CRPPA: variants seen among roughly 807,000 people sequenced by gnomAD.
CRPPA encodes the protein CDP-L-ribitol pyrophosphorylase A.
A neutral mutation model predicts 52.0 loss-of-function variants in CRPPA; 43 were observed. That is an observed-to-expected ratio of 0.83 (90% CI 0.65 to 1.07). The LOEUF (loss-of-function observed/expected upper bound fraction) is 1.07. Among genes scored for constraint, CRPPA ranks in the 50% least tolerant of loss-of-function variants. The pLI, the probability that CRPPA is intolerant of heterozygous loss-of-function variation, is 0.00. For synonymous variants in CRPPA, 250 were observed against 203.5 expected, an observed-to-expected ratio of 1.23 and a Z score of -1.94; for missense variants, 629 against 551.7, an observed-to-expected ratio of 1.14 and a Z score of -1.40.
intron 8 of CRPPA, among the ~76,000 whole-genome samples, chr7:16,254,436 T>C (rs1412626504): frequency 6.6e-6 from 1 of 151,988 alleles, no homozygotes; most frequent in Non-Finnish European, 1.5e-5. Context: ...ATGTCCTTTG[T>C]AGGGACATGG....
chr7:16,389,913 C>CAAAAAAAAAAAAAAAAAAAAAAAAAAAAA (rs1163092089), intron 2 of CRPPA, among the ~76,000 whole-genome samples: 1 of 34,314 alleles, frequency 2.9e-5, no homozygotes. Context: ...GCCTAGTATA[C>CAAAAAAAAAAAAAAAAAAAAAAAAAAAAA]AAAAAAAAAA....
intron 3 of CRPPA, among the ~76,000 whole-genome samples, chr7:16,337,261 T>C (rs1785707504): frequency 6.6e-6 from 1 of 152,142 alleles, no homozygotes; most frequent in African/African-American, 2.4e-5. Flanking sequence ...TCTTCTTAAG[T>C]ATTTTTTCAG....
At chr7:16,336,558 CAAAA>C (rs36099524) in intron 3 of CRPPA, among the ~76,000 whole-genome samples, 3 of 135,694 alleles carry the variant, frequency 2.2e-5, no homozygotes, top group Non-Finnish European at 3.2e-5. Flanking sequence ...AGGAAAAGAG[CAAAA>C]AAAAAAAAAA....
At chr7:16,100,459 A>G (rs769428513) in intron 9 of CRPPA, among the ~76,000 whole-genome samples, 1 of 152,216 alleles carries the variant, frequency 6.6e-6, no homozygotes, top group Non-Finnish European at 1.5e-5. Flanking sequence ...CTCGGTAAAT[A>G]TTTATTAGTT....
chr7:16,208,744 G>C (rs141543446), intron 9 of CRPPA, among the ~76,000 whole-genome samples: 1 of 152,058 alleles, frequency 6.6e-6, no homozygotes, highest in East Asian at 1.9e-4. Context: ...TGTATGCCTG[G>C]GTAATTTTGA....
chr7:16,232,541 C>G (rs1209022393), intron 8 of CRPPA, among the ~76,000 whole-genome samples: 2 of 152,076 alleles, frequency 1.3e-5, no homozygotes, highest in Admixed American at 6.6e-5. Context: ...AATCACTTTT[C>G]TTTATAAATT....
At position 16,090,177 on chromosome 7, in the gene CRPPA, G is replaced by C. The variant is rs959029467; in HGVS notation, c.*1518C>G. 3.3e-5 allele frequency: 5 copies of C among 151,954 alleles called. No individual in the cohort carries two copies. Among genetic ancestry groups the C allele is most frequent in the Non-Finnish European group, 5.9e-5 (4 of 68,006 alleles). 9.4% of individuals were successfully genotyped at this position (151,954 alleles called of 1,614,324 possible). A position where few individuals can be genotyped will look rare whatever the true frequency, so the allele number is the denominator to read the frequency against. ...ATTCCTAGAGAGAGAAAAAGGGCAG[G>C]CCCAGGAATTTAGATACAAGCCTAC... On this transcript the variant is annotated 3_prime_UTR_variant, in exon 10 of 10. Coordinates refer to ENST00000407010, the MANE Select transcript of CRPPA (RefSeq NM_001101426.4).
At chr7:16,308,011 C>A (rs542567343) in intron 4 of CRPPA, among the ~76,000 whole-genome samples, 1 of 151,674 alleles carries the variant, frequency 6.6e-6, no homozygotes, top group South Asian at 2.1e-4. Context: ...GGAGGTGAGA[C>A]CTGGTGGGAG....
In CRPPA at chr7:16,107,663, C is replaced by T. The variant is rs574298879; in HGVS notation, c.1252-15864G>A. Among the ~76,000 whole-genome samples, 40 of 151,644 alleles carry T rather than the reference C, an allele frequency of 2.6e-4. No individual in the cohort carries two copies. In the South Asian group the frequency reaches 7.5e-3, roughly 28 times the overall value. Reference sequence around the variant, plus strand: ...AAAAGCTGTTAATTAATAATATGAACTATAAAAAAGCAAAAAAAATCAATT... The same window carrying T: ...AAAAGCTGTTAATTAATAATATGAATTATAAAAAAGCAAAAAAAATCAATT... On this transcript the variant is annotated intron_variant, in intron 9 of 9. Transcript: ENST00000407010.
chr7:16,383,911 G>C (rs1033322749), intron 2 of CRPPA, among the ~76,000 whole-genome samples: 17 of 152,176 alleles, frequency 1.1e-4, no homozygotes, highest in Admixed American at 2.6e-4. Context: ...CCCTTTCTTT[G>C]ACTAGGAAAG....
chr7:16,207,778 C>T (rs915238537), intron 9 of CRPPA, among the ~76,000 whole-genome samples: 3 of 152,106 alleles, frequency 2.0e-5, no homozygotes, highest in African/African-American at 7.2e-5. Context: ...AATCAAATCC[C>T]ATTTTAAATT....
intron 9 of CRPPA, among the ~76,000 whole-genome samples, chr7:16,207,761 A>G (rs1782006760): frequency 6.6e-6 from 1 of 152,226 alleles, no homozygotes; most frequent in Non-Finnish European, 1.5e-5. Context: ...AACTGGACAA[A>G]GACTAAAATC....
intron 1 of CRPPA, among the ~76,000 whole-genome samples, chr7:16,413,786 T>TA (rs1183562009): frequency 2.0e-5 from 3 of 152,302 alleles, no homozygotes; most frequent in Admixed American, 6.5e-5. Context: ...TCTTAAACAA[T>TA]AATGAAATAT....
chr7:16,395,685 C>A (rs947461730), intron 2 of CRPPA, among the ~76,000 whole-genome samples: 1 of 152,092 alleles, frequency 6.6e-6, no homozygotes, highest in African/African-American at 2.4e-5. Flanking sequence ...AATAGAGAGG[C>A]CTTCATTTTA....
intron 8 of CRPPA, among the ~76,000 whole-genome samples, chr7:16,242,037 C>T (rs956016781): frequency 3.6e-5 from 5 of 139,576 alleles, no homozygotes; most frequent in African/African-American, 1.1e-4. Context: ...CGGTTCACTG[C>T]CCCCCGGGTT....
At chr7:16,388,807 C>A (rs1001260851) in intron 2 of CRPPA, among the ~76,000 whole-genome samples, 1 of 152,030 alleles carries the variant, frequency 6.6e-6, no homozygotes, top group Non-Finnish European at 1.5e-5. Flanking sequence ...ACCCAAGAGG[C>A]AATGGATGCA....
intron 2 of CRPPA, 118 bp from the exon 3 acceptor site, chr7:16,376,359 G>C: frequency 2.7e-5 from 27 of 991,876 alleles, no homozygotes; most frequent in Non-Finnish European, 3.8e-5. Context: ...GCTACCTTAA[G>C]AAAACATCTG....
chr7:16,189,547 AG>A (rs1781567152), intron 9 of CRPPA, among the ~76,000 whole-genome samples: 1 of 152,218 alleles, frequency 6.6e-6, no homozygotes, highest in Admixed American at 6.6e-5. Context: ...TCAGGAACAA[AG>A]CCAAAGGCTA....
chr7:16,243,695 AG>A (rs1206530899), intron 8 of CRPPA, among the ~76,000 whole-genome samples: 1 of 152,216 alleles, frequency 6.6e-6, no homozygotes, highest in African/African-American at 2.4e-5. Flanking sequence ...AGCTGGGTGC[AG>A]TGGCTACGTC....
Sources: allele counts gnomAD v4.1 joint callset (sites outside exome capture counted in the v4.1 genomes callset), GRCh38; gene constraint gnomAD v4.1.1; transcripts MANE v1.5; gene names NCBI Gene and HGNC (gene_info 2026-07-23, HGNC 2026-07-21).